ANK3: variants seen among roughly 807,000 people sequenced by gnomAD.
The protein encoded by ANK3 is ankyrin-3.
A neutral mutation model predicts 370.9 loss-of-function variants in ANK3; 57 were observed. The ratio of observed to expected loss-of-function variants is 0.15; its 90% confidence interval spans 0.12 to 0.19. The LOEUF (loss-of-function observed/expected upper bound fraction) is 0.19. ANK3 is among the 10% of genes least tolerant of loss of function. ANK3 has a pLI of 1.00. For synonymous variants in ANK3, 1,929 were observed against 1,946.3 expected (o/e 0.99, Z 0.23); for missense variants, 4,439 against 5,302.1 (o/e 0.84, Z 5.06).
chr10:60,057,894 C>T (rs1359031345), intron 41 of ANK3, among the ~76,000 whole-genome samples: 1 of 152,132 alleles, frequency 6.6e-6, no homozygotes, highest in African/African-American at 2.4e-5. Flanking sequence ...AGATAAAGTT[C>T]ATTCATGCCT....
chr10:60,402,904 G>A (rs1236883998), intron 2 of ANK3, among the ~76,000 whole-genome samples: 1 of 152,096 alleles, frequency 6.6e-6, no homozygotes, highest in African/African-American at 2.4e-5. Flanking sequence ...TTACATAAGT[G>A]GTTATTATTT....
chr10:60,338,156 A>C (rs544217146), intron 1 of ANK3, among the ~76,000 whole-genome samples: 1 of 152,294 alleles, frequency 6.6e-6, no homozygotes, highest in South Asian at 2.1e-4. Flanking sequence ...GGTTCAGTAT[A>C]GTGTGAAACA....
chr10:60,351,325 C>G (rs1166858958), intron 1 of ANK3, among the ~76,000 whole-genome samples: 1 of 152,132 alleles, frequency 6.6e-6, no homozygotes, highest in Admixed American at 6.5e-5. Flanking sequence ...TCCTGGTTCC[C>G]CTTCCTTCAC....
intron 23 of ANK3, chr10:60,139,428 C>T (rs2094475980): frequency 4.5e-6 from 1 of 220,580 alleles, no homozygotes. Flanking sequence ...ACCTCACCCA[C>T]GATGAGGGCA....
chr10:60,080,175 AC>A (rs1243591999), intron 36 of ANK3, among the ~76,000 whole-genome samples: 1 of 152,210 alleles, frequency 6.6e-6, no homozygotes, highest in Non-Finnish European at 1.5e-5. Flanking sequence ...TCATTTTTCT[AC>A]CATTCCAAAT....
intron 2 of ANK3, among the ~76,000 whole-genome samples, chr10:60,569,915 C>T (rs2077551223): frequency 6.6e-6 from 1 of 152,188 alleles, no homozygotes; most frequent in Middle Eastern, 3.4e-3. Context: ...TATTTCCCAC[C>T]TGAAATGCTT....
intron 41 of ANK3, among the ~76,000 whole-genome samples, chr10:60,058,172 T>A (rs1020031904): frequency 1.3e-5 from 2 of 152,204 alleles, no homozygotes; most frequent in Admixed American, 6.5e-5. Context: ...TATAAATCTG[T>A]TTAAGGAAGG....
chr10:60,446,495 A>G (rs1284150303), intron 2 of ANK3, among the ~76,000 whole-genome samples: 2 of 152,200 alleles, frequency 1.3e-5, no homozygotes, highest in Non-Finnish European at 2.9e-5. Context: ...TTACAGATGA[A>G]TTAGAGGTTT....
chr10:60,626,193 G>A (rs2078407403), intron 1 of ANK3, among the ~76,000 whole-genome samples: 1 of 151,874 alleles, frequency 6.6e-6, no homozygotes, highest in East Asian at 1.9e-4. Flanking sequence ...CATTATCTTG[G>A]GTGATTACAT....
Position 60,705,586 on chromosome 10 carries a change from C to T in ANK3, c.57+27677G>A, listed in dbSNP as rs559361959. Among the ~76,000 whole-genome samples, 148 of 152,190 alleles carry T rather than the reference C, an allele frequency of 9.7e-4. 1 individual carries two copies. Among genetic ancestry groups the T allele is most frequent in the African/African-American group, 3.4e-3 (142 of 41,544 alleles). On this transcript the variant is annotated intron_variant, in intron 1 of 43. Transcript: ENST00000373827. ...TCAAATGTCTCTAGAATTTATGACA[C>T]GTTTCCTTACTTAAAACTTAGATAA... is the stretch of plus-strand genomic sequence containing the variant.
At chr10:60,556,708 C>T (rs1013178688) in intron 2 of ANK3, among the ~76,000 whole-genome samples, 1 of 152,034 alleles carries the variant, frequency 6.6e-6, no homozygotes, top group African/African-American at 2.4e-5. Flanking sequence ...ATATTTAATA[C>T]AATAAAAATC....
chr10:60,349,590 G>A (rs2056450620), intron 1 of ANK3, among the ~76,000 whole-genome samples: 1 of 152,070 alleles, frequency 6.6e-6, no homozygotes, highest in Admixed American at 6.5e-5. Context: ...TCCTCATAAA[G>A]AGAGACTCAA....
chr10:60,586,786 C>T (rs913221341), intron 2 of ANK3, among the ~76,000 whole-genome samples: 3 of 152,268 alleles, frequency 2.0e-5, no homozygotes, highest in Admixed American at 1.3e-4. Context: ...CATGTATCAC[C>T]TCCAAAACAA....
intron 4 of ANK3, 22 bp downstream of exon 4, chr10:60,278,752 T>C (rs369707126): frequency 4.6e-5 from 72 of 1,581,526 alleles, no homozygotes; most frequent in Non-Finnish European, 5.7e-5. Flanking sequence ...AAAATGTCTG[T>C]GGCATGGAGT....
chr10:60,690,367 C>T (rs893373606), intron 1 of ANK3, among the ~76,000 whole-genome samples: 11 of 152,096 alleles, frequency 7.2e-5, no homozygotes, highest in South Asian at 4.1e-4. Flanking sequence ...CCTGGAAAAT[C>T]GGGACACTCC....
At chr10:60,088,428 T>C in intron 28 of ANK3, 70 bp from the exon 29 acceptor site, 1 of 1,370,962 alleles carries the variant, frequency 7.3e-7, no homozygotes, top group South Asian at 1.3e-5. Flanking sequence ...GTCAAAATGA[T>C]ATATCTTTTT....
intron 1 of ANK3, among the ~76,000 whole-genome samples, chr10:60,699,237 C>A (rs1437320187): frequency 6.6e-6 from 1 of 151,794 alleles, no homozygotes; most frequent in Non-Finnish European, 1.5e-5. Flanking sequence ...AGAACTTATT[C>A]ATGTAACCAA....
At chr10:60,407,033 C>T (rs947203555) in intron 2 of ANK3, among the ~76,000 whole-genome samples, 6 of 152,096 alleles carry the variant, frequency 3.9e-5, no homozygotes, top group Non-Finnish European at 8.8e-5. Context: ...ATCATTTTCC[C>T]TGCATTTTCT....
At chr10:60,235,974 GA>G (rs2097326434) in intron 7 of ANK3, among the ~76,000 whole-genome samples, 1 of 152,042 alleles carries the variant, frequency 6.6e-6, no homozygotes, top group Admixed American at 6.6e-5. Context: ...GCAGAACCAG[GA>G]TTCAACTCTT....
Sources: gnomAD v4.1 joint callset for allele counts (sites outside exome capture counted in the v4.1 genomes callset) on GRCh38, gnomAD v4.1.1 for gene constraint, MANE v1.5 for transcripts, NCBI Gene and HGNC (gene_info 2026-07-23, HGNC 2026-07-21) for gene names.